The following DCC variants were observed in gnomAD, a reference collection of about 807,000 sequenced individuals.
DCC encodes the protein DCC netrin 1 receptor, also known as netrin receptor DCC.
In DCC, 58 loss-of-function variants were observed where a neutral mutation model predicts 172.5. The observed-to-expected ratio is 0.34, with a 90% CI of 0.27 to 0.42. The LOEUF (loss-of-function observed/expected upper bound fraction) is 0.42. Among genes scored for constraint, DCC ranks in the 10% least tolerant of loss-of-function variants. The pLI, the probability that DCC is intolerant of heterozygous loss-of-function variation, is 1.00. For missense variants in DCC, 1,740 were observed against 1,791.0 expected (o/e 0.97, Z 0.51); for synonymous variants, 709 against 644.5 (o/e 1.10, Z -1.52).
At chr18:52,620,653 T>C (rs1032050333) in intron 1 of DCC, among the ~76,000 whole-genome samples, 16 of 140,518 alleles carry the variant, frequency 1.1e-4, no homozygotes, top group Admixed American at 9.6e-4. Context: ...TTTTTAGTTA[T>C]AGCAAATGTA....
chr18:53,257,279 G>A (rs561021834), intron 12 of DCC, among the ~76,000 whole-genome samples: 6 of 152,014 alleles, frequency 3.9e-5, no homozygotes, highest in Non-Finnish European at 5.9e-5. Flanking sequence ...GAGGGCATCC[G>A]TGTCTTGTGC....
At chr18:52,575,036 G>A (rs569903025) in intron 1 of DCC, among the ~76,000 whole-genome samples, 14 of 152,200 alleles carry the variant, frequency 9.2e-5, no homozygotes, top group African/African-American at 2.4e-4. Context: ...CATCTGCCTC[G>A]TGGGGTTTTT....
At chr18:53,217,676 CTATTT>C (rs1274038348) in intron 12 of DCC, among the ~76,000 whole-genome samples, 1 of 151,946 alleles carries the variant, frequency 6.6e-6, no homozygotes, top group Non-Finnish European at 1.5e-5. Flanking sequence ...ATGTAATATT[CTATTT>C]TGATATTTGT....
intron 5 of DCC, among the ~76,000 whole-genome samples, chr18:53,010,241 T>G (rs2041708371): frequency 6.6e-6 from 1 of 151,948 alleles, no homozygotes; most frequent in Non-Finnish European, 1.5e-5. Context: ...ATCACTTTGT[T>G]TCTACACTGA....
intron 1 of DCC, among the ~76,000 whole-genome samples, chr18:52,442,912 C>T (rs1043504061): frequency 2.0e-5 from 3 of 152,112 alleles, no homozygotes; most frequent in Non-Finnish European, 4.4e-5. Context: ...AGCTGCAAAG[C>T]TCCAACCCCC....
chr18:52,893,466 C>T (rs1277728368), intron 2 of DCC, among the ~76,000 whole-genome samples: 3 of 152,056 alleles, frequency 2.0e-5, no homozygotes, highest in Non-Finnish European at 4.4e-5. Context: ...GTAACATGCT[C>T]AATTAAAAGT....
intron 5 of DCC, among the ~76,000 whole-genome samples, chr18:53,021,522 G>C (rs1226669137): frequency 6.6e-6 from 1 of 150,604 alleles, no homozygotes; most frequent in Non-Finnish European, 1.5e-5. Context: ...AGGAAGTACT[G>C]AACAGAGAAT....
chr18:52,579,216 G>A (rs967322138), intron 1 of DCC, among the ~76,000 whole-genome samples: 6 of 152,140 alleles, frequency 3.9e-5, no homozygotes, highest in African/African-American at 1.4e-4. Flanking sequence ...CTCGTTTGCT[G>A]CCATGAGTAT....
intron 1 of DCC, among the ~76,000 whole-genome samples, chr18:52,749,255 G>A (rs151209544): frequency 1.9e-4 from 29 of 152,238 alleles, no homozygotes; most frequent in African/African-American, 6.3e-4. Flanking sequence ...CAGGCAAACA[G>A]GAACAGAAGT....
intron 8 of DCC, among the ~76,000 whole-genome samples, chr18:53,174,415 T>C (rs2055059052): frequency 6.7e-6 from 1 of 150,238 alleles, no homozygotes; most frequent in Non-Finnish European, 1.5e-5. Context: ...TCAACCAAAC[T>C]GATAGACCGC....
chr18:52,780,835 C>T (rs2037526485), intron 2 of DCC, among the ~76,000 whole-genome samples: 1 of 152,080 alleles, frequency 6.6e-6, no homozygotes, highest in African/African-American at 2.4e-5. Flanking sequence ...AGCTGCCATA[C>T]TTTGGAGTAG....
chr18:52,675,970 G>A (rs1159165476), intron 1 of DCC, among the ~76,000 whole-genome samples: 1 of 152,142 alleles, frequency 6.6e-6, no homozygotes, highest in Non-Finnish European at 1.5e-5. Context: ...TCTTTTCTTG[G>A]TGTTAGTTTA....
chr18:52,920,814 T>C (rs2040113074), intron 3 of DCC, among the ~76,000 whole-genome samples: 1 of 152,128 alleles, frequency 6.6e-6, no homozygotes, highest in South Asian at 2.1e-4. Context: ...AACTGGTACA[T>C]CTAGACAATG....
At chr18:52,427,285 G>A (rs1008556301) in intron 1 of DCC, among the ~76,000 whole-genome samples, 7 of 152,058 alleles carry the variant, frequency 4.6e-5, no homozygotes, top group African/African-American at 7.2e-5. Context: ...GCTAATGTTC[G>A]TTAAGATCAA....
At chr18:53,337,758 A>G (rs1460772013) in intron 14 of DCC, among the ~76,000 whole-genome samples, 5 of 152,228 alleles carry the variant, frequency 3.3e-5, no homozygotes, top group Admixed American at 3.3e-4. Context: ...TTTAATAAGA[A>G]CATGCTTCTA....
At chr18:53,055,390 A>G (rs952288650) in intron 5 of DCC, among the ~76,000 whole-genome samples, 1 of 152,172 alleles carries the variant, frequency 6.6e-6, no homozygotes, top group African/African-American at 2.4e-5. Context: ...AGAAATTGTC[A>G]GAGCACCCAA....
intron 2 of DCC, among the ~76,000 whole-genome samples, chr18:52,847,878 T>A (rs2038919587): frequency 6.6e-6 from 1 of 152,178 alleles, no homozygotes; most frequent in Admixed American, 6.5e-5. Context: ...ATTTCTCTCA[T>A]CTGTAAAATA....
chr18:52,540,597 CTTTTTT>C (rs71175505), intron 1 of DCC, among the ~76,000 whole-genome samples: 23 of 67,486 alleles, frequency 3.4e-4, no homozygotes, highest in Admixed American at 2.6e-3. Flanking sequence ...ATTCAACTGC[CTTTTTT>C]TTTTTTTTTT....
At chr18:53,458,342 G>T (rs1050046084) in intron 23 of DCC, among the ~76,000 whole-genome samples, 3 of 152,158 alleles carry the variant, frequency 2.0e-5, no homozygotes, top group Non-Finnish European at 2.9e-5. Context: ...ATTCAATTCT[G>T]CCATTGCAGT....
Sources: allele counts gnomAD v4.1 joint callset (sites outside exome capture counted in the v4.1 genomes callset), GRCh38; gene constraint gnomAD v4.1.1; transcripts MANE v1.5; gene names NCBI Gene and HGNC (gene_info 2026-07-23, HGNC 2026-07-21).